The following NIBAN1 variants were observed in gnomAD, a reference collection of about 807,000 sequenced individuals.
NIBAN1 encodes niban apoptosis regulator 1, also known as protein Niban 1.
In NIBAN1, 81 loss-of-function variants were observed where a neutral mutation model predicts 75.1. The observed-to-expected ratio is 1.08, with a 90% CI of 0.90 to 1.30. NIBAN1 has a LOEUF of 1.30. Among genes scored for constraint, NIBAN1 ranks in the 50% most tolerant of loss-of-function variants. NIBAN1 has a pLI of 0.00. For synonymous variants in NIBAN1, 436 were observed against 424.8 expected, an observed-to-expected ratio of 1.03 and a Z score of -0.32; for missense variants, 1,133 against 1,128.1, an observed-to-expected ratio of 1.00 and a Z score of -0.06.
chr1:184,795,673 C>CT lies in NIBAN1; in HGVS notation c.2090dup (p.Glu698GlyfsTer48). The CT allele has an allele frequency of 1.2e-6, 2 of 1,614,150 alleles. No homozygotes were observed. The highest frequency in any genetic ancestry group is 1.7e-6 in the Non-Finnish European group (2 of 1,180,026). The stretch of plus-strand genomic sequence containing the variant: ...AGGCAGTGATGGGTTCTGGCTCTTC[C>CT]TGGGCGGGTTCTTCATCCTCAAGGG... On this transcript the variant is annotated frameshift_variant, in exon 14 of 14. Transcript: ENST00000367511. LOFTEE classifies it low-confidence loss of function (END_TRUNC).
At chr1:184,815,082 T>A (rs973605457) in intron 9 of NIBAN1, among the ~76,000 whole-genome samples, 4 of 152,186 alleles carry the variant, frequency 2.6e-5, no homozygotes, top group Non-Finnish European at 4.4e-5. Context: ...AATTAAAGCG[T>A]CAGGTACATT....
chr1:184,941,702 G>A (rs1351691623), intron 1 of NIBAN1, among the ~76,000 whole-genome samples: 1 of 149,600 alleles, frequency 6.7e-6, no homozygotes, highest in African/African-American at 2.5e-5. Context: ...TCTGAATTTA[G>A]ATACCTGGGG....
intron 9 of NIBAN1, among the ~76,000 whole-genome samples, chr1:184,818,165 T>A (rs918795793): frequency 4.6e-5 from 7 of 152,290 alleles, no homozygotes; most frequent in Admixed American, 6.5e-5. Flanking sequence ...ATATCATAAG[T>A]CTATATTTTT....
chr1:184,810,182 C>T (rs916990541), intron 9 of NIBAN1, among the ~76,000 whole-genome samples: 1 of 152,204 alleles, frequency 6.6e-6, no homozygotes, highest in Non-Finnish European at 1.5e-5. Context: ...ATAGAGACAT[C>T]TGGTTTTATC....
intron 5 of NIBAN1, among the ~76,000 whole-genome samples, chr1:184,841,806 A>G (rs780073496): frequency 1.3e-5 from 2 of 152,208 alleles, no homozygotes; most frequent in Non-Finnish European, 2.9e-5. Context: ...GTTACCTTGT[A>G]ACAGGTGTAC....
At position 184,795,192 on chromosome 1, in the gene NIBAN1, C is replaced by T. The variant is rs373367835; in HGVS notation, c.2572G>A (p.Val858Ile). Residue 858 changes from valine to isoleucine, a missense_variant, in exon 14 of 14, where the codon GTT (valine) becomes ATT (isoleucine). Val to Ile is a conservative substitution (Grantham distance 29). Coordinates refer to ENST00000367511, the MANE Select transcript of NIBAN1 (RefSeq NM_052966.4). ...CCCATCTCTTCTTGTTCCTCAGAAA[C>T]CTGGCTCTCACTGAGGCAGATGGGG... ...SDPICLSESQVSEEQEEMGGQ... is the reference protein window; with the variant it reads ...SDPICLSESQISEEQEEMGGQ... 7 of 1,614,168 alleles carry T rather than the reference C, an allele frequency of 4.3e-6. No homozygotes were observed. The highest frequency in any genetic ancestry group is 1.7e-5 in the Admixed American group (1 of 60,036).
chr1:184,931,017 T>TTTTTTTTTTA (rs1657807301), intron 1 of NIBAN1, among the ~76,000 whole-genome samples: 1 of 134,466 alleles, frequency 7.4e-6, no homozygotes, highest in African/African-American at 2.6e-5. Flanking sequence ...TTTTTTTTTT[T>TTTTTTTTTTA]GAGACTGAGT....
chr1:184,839,382 C>A (rs1655220718), intron 5 of NIBAN1, among the ~76,000 whole-genome samples: 1 of 152,030 alleles, frequency 6.6e-6, no homozygotes, highest in South Asian at 2.1e-4. Context: ...TTCTCACATG[C>A]TGTTATAAGA....
At chr1:184,909,235 C>A (rs997534310) in intron 1 of NIBAN1, among the ~76,000 whole-genome samples, 1 of 152,198 alleles carries the variant, frequency 6.6e-6, no homozygotes, top group Non-Finnish European at 1.5e-5. Context: ...CCAGGAATTT[C>A]AGTGATTTCC....
In NIBAN1 at chr1:184,808,116, G is replaced by A. The variant is rs1396940766; in HGVS notation, c.1293C>T (p.His431=). 2 of 1,614,020 alleles carry A rather than the reference G, an allele frequency of 1.2e-6. No individual in the cohort carries two copies. The highest frequency in any genetic ancestry group is 2.2e-5 in the East Asian group (1 of 44,854). The part of the protein sequence containing the change: ...QDLKSRFRFP[H]IDLVVQRTQN... ...GTGTCCTCTGAACCACCAGATCAAT[G>A]TGGGGGAATCTGAAGCGGCTCTTGA... Residue 431 remains histidine, a synonymous_variant, in exon 10 of 14, where the codon CAC becomes CAT. Coordinates refer to ENST00000367511, the MANE Select transcript of NIBAN1 (RefSeq NM_052966.4).
intron 3 of NIBAN1, among the ~76,000 whole-genome samples, chr1:184,892,467 T>C (rs772874944): frequency 1.3e-5 from 2 of 152,208 alleles, no homozygotes; most frequent in Non-Finnish European, 2.9e-5. Context: ...ACATAAGGTG[T>C]CTTGTTATTA....
chr1:184,918,576 G>T (rs1346299002), intron 1 of NIBAN1, among the ~76,000 whole-genome samples: 4 of 152,130 alleles, frequency 2.6e-5, no homozygotes, highest in Admixed American at 2.6e-4. Context: ...ACCCTTCCTA[G>T]AACCTATAGA....
At position 184,890,106 on chromosome 1, in the gene NIBAN1, A is replaced by G; in HGVS notation, c.433+2T>C. 6.2e-7 allele frequency: 1 copy of G among 1,609,404 alleles called. No individual in the cohort carries two copies. The highest frequency in any genetic ancestry group is 8.5e-7 in the Non-Finnish European group (1 of 1,175,856). The stretch of plus-strand genomic sequence containing the variant: ...CTTGGAAAAGAATGATCAGCAACTC[A>G]CCAAGAGGGTCTGGGAAATGCCTGT... On this transcript the variant is annotated splice_donor_variant, in intron 4 of 13. Transcript: ENST00000367511. LOFTEE classifies it high-confidence loss of function.
intron 1 of NIBAN1, among the ~76,000 whole-genome samples, chr1:184,949,623 C>G (rs989941037): frequency 6.6e-6 from 1 of 152,186 alleles, no homozygotes; most frequent in Non-Finnish European, 1.5e-5. Context: ...CATGGCTACC[C>G]AAGTTTTTCT....
chr1:184,969,501 G>A (rs751886278), intron 1 of NIBAN1, among the ~76,000 whole-genome samples: 17 of 152,042 alleles, frequency 1.1e-4, no homozygotes, highest in South Asian at 2.1e-4. Context: ...AAGAAAAGTC[G>A]CCTAGAAGCA....
intron 5 of NIBAN1, among the ~76,000 whole-genome samples, chr1:184,862,368 A>T (rs1449534228): frequency 6.6e-6 from 1 of 151,194 alleles, no homozygotes; most frequent in Non-Finnish European, 1.5e-5. Context: ...TGCTGTGGCT[A>T]TTCACAGGCG....
chr1:184,812,852 T>C (rs1654421885), intron 9 of NIBAN1, among the ~76,000 whole-genome samples: 1 of 152,238 alleles, frequency 6.6e-6, no homozygotes, highest in Admixed American at 6.5e-5. Flanking sequence ...TGGTTGAATA[T>C]CTGCATGACC....
At chr1:184,917,232 T>C (rs923269407) in intron 1 of NIBAN1, among the ~76,000 whole-genome samples, 1 of 149,454 alleles carries the variant, frequency 6.7e-6, no homozygotes, top group Non-Finnish European at 1.5e-5. Context: ...TGAGATGAAG[T>C]CTCACTCTGT....
chr1:184,805,810 C>CA (rs1654180604), intron 11 of NIBAN1, 136 bp downstream of exon 11: 1 of 670,546 alleles, frequency 1.5e-6, no homozygotes, highest in Middle Eastern at 2.9e-4. Flanking sequence ...AGCGGACTGA[C>CA]AGTCACTGGA....
Sources: gnomAD v4.1 joint callset for allele counts (sites outside exome capture counted in the v4.1 genomes callset) on GRCh38, gnomAD v4.1.1 for gene constraint, MANE v1.5 for transcripts, NCBI Gene and HGNC (gene_info 2026-07-23, HGNC 2026-07-21) for gene names.